Variants in CRMP1 observed in about 807,000 individuals in gnomAD.
CRMP1 encodes the protein collapsin response mediator protein 1.
CRMP1 carries 19 observed loss-of-function variants against 68.3 expected under a neutral mutation model. The observed-to-expected ratio is 0.28, with a 90% confidence interval of 0.19 to 0.41. The LOEUF (loss-of-function observed/expected upper bound fraction) is 0.41, where lower values mean the gene tolerates loss of function less well. Among genes scored for constraint, CRMP1 ranks in the 10% least tolerant of loss-of-function variants. The probability of loss-of-function intolerance (pLI) is 1.00; values close to 1 mark genes in which losing one functional copy is unlikely to be tolerated. For synonymous variants in CRMP1, 439 were observed against 399.6 expected (o/e 1.10, Z -1.18); for missense variants, 791 against 967.4 (o/e 0.82, Z 2.42).
chr4:5,873,690 C>T (rs1714618340), intron 1 of CRMP1, among the ~76,000 whole-genome samples: 7 of 152,196 alleles, frequency 4.6e-5, no homozygotes, highest in Admixed American at 4.6e-4. Context: ...ATACTGGGCA[C>T]TACAATTCAA....
intron 11 of CRMP1, among the ~76,000 whole-genome samples, chr4:5,830,269 A>G (rs939410644): frequency 2.4e-4 from 36 of 152,204 alleles, no homozygotes; most frequent in African/African-American, 8.4e-4. Flanking sequence ...TGTTGCAAAT[A>G]TGTCCTCCCT....
chr4:5,892,946 C>T lies in CRMP1; in HGVS notation c.24G>A (p.Trp8Ter). MADRRRAWNTEDDLPVYL... is the reference protein window; with the variant it reads MADRRRA ...ACACGGGCAGGTCGTCCTCGGTGTT[C>T]CACGCGCGCCGCCGGTCCGCCATAC... The change falls in exon 1 of 14, where the codon TGG becomes TGA. Residue 8 changes from tryptophan to a stop codon, truncating the protein, a stop_gained. Transcript: ENST00000324989. LOFTEE classifies it high-confidence loss of function. The surrounding 1 kb of genome is among the most constrained non-coding windows in gnomAD (Gnocchi z 8.6). The T allele has an allele frequency of 8.0e-7, 1 of 1,246,390 alleles. No individual in the cohort carries two copies. Among genetic ancestry groups the T allele is most frequent in the Non-Finnish European group, 1.0e-6 (1 of 993,432 alleles). The allele number at this position is 1,246,390 out of a possible 1,614,324, so 77.2% of individuals were successfully genotyped here.
rs1577845114 is a variant in CRMP1, at chr4:5,881,616, C to T, written c.381+10973G>A. 6.6e-6 allele frequency among the ~76,000 whole-genome samples: 1 copy of T among 152,134 alleles called. No homozygotes were observed. The highest frequency in any genetic ancestry group is 1.9e-4 in the East Asian group (1 of 5,180). ...GGCAAAGTCCTCCGGTGTTCCTCTT[C>T]CATGGCAAGAGCTGACTTTTACTTA... is the stretch of plus-strand genomic sequence containing the variant. On this transcript the variant is annotated intron_variant, in intron 1 of 13. Coordinates refer to ENST00000324989, the MANE Select transcript of CRMP1 (RefSeq NM_001014809.3). This position sits in a 1 kb window ranked among gnomAD's most constrained non-coding sequence, Gnocchi z 4.6.
At position 5,888,218 on chromosome 4, in the gene CRMP1, G is replaced by C. The variant is rs926763500; in HGVS notation, c.381+4371C>G. On this transcript the variant is annotated intron_variant, in intron 1 of 13. Transcript: ENST00000324989. This position sits in a 1 kb window ranked among gnomAD's most constrained non-coding sequence, Gnocchi z 6.4. ...GCCAGCGCGGGGCGGCGGGGGCGGG[G>C]GCCGCTTACCGTGATGTGCGGGATG... The C allele has an allele frequency of 6.3e-6, 8 of 1,266,454 alleles. No homozygotes were observed. In the African/African-American group the frequency reaches 1.2e-4, roughly 19 times the overall value. The allele number at this position is 1,266,454 out of a possible 1,614,324, so 78.5% of individuals were successfully genotyped here.
At chr4:5,856,624 TATCATC>T (rs1044126510) in intron 3 of CRMP1, among the ~76,000 whole-genome samples, 1 of 134,718 alleles carries the variant, frequency 7.4e-6, no homozygotes, top group African/African-American at 2.9e-5. Flanking sequence ...TGACCGCCAC[TATCATC>T]ATCATCATTA....
chr4:5,892,425 A>G lies in CRMP1; in HGVS notation c.381+164T>C, dbSNP rs1715993971. Among the ~76,000 whole-genome samples, 1 of 151,722 alleles carries G rather than the reference A, an allele frequency of 6.6e-6. No individual in the cohort carries two copies. Among genetic ancestry groups the G allele is most frequent in the Non-Finnish European group, 1.5e-5 (1 of 67,876 alleles). On this transcript the variant is annotated intron_variant, in intron 1 of 13. Coordinates refer to ENST00000324989, the MANE Select transcript of CRMP1 (RefSeq NM_001014809.3). This position sits in a 1 kb window ranked among gnomAD's most constrained non-coding sequence, Gnocchi z 8.6. ...CGACCGAGTCGCCCCAGCTCTGGGA[A>G]CCTCTTGCATGATGAGGTGGGGGAG...
intron 13 of CRMP1, among the ~76,000 whole-genome samples, chr4:5,823,743 G>A (rs1719069729): frequency 6.6e-6 from 1 of 152,250 alleles, no homozygotes; most frequent in African/African-American, 2.4e-5. Flanking sequence ...CTCACCAGAA[G>A]CAGACGCTGG....
rs138797120 is a variant in CRMP1, at chr4:5,842,465, GTA to G, written c.1032+626_1032+627del. On this transcript the variant is annotated intron_variant, in intron 7 of 13. Coordinates refer to ENST00000324989, the MANE Select transcript of CRMP1 (RefSeq NM_001014809.3). This position sits in a 1 kb window ranked among gnomAD's most constrained non-coding sequence, Gnocchi z 4.5. ...AAAAAAAAGAAAAGAAAGAAAGAAA[GTA>G]AAAAGAAGGTGTCCTCAACTCAAAG... Among the ~76,000 whole-genome samples, 669 of 149,350 alleles carry G rather than the reference GTA, an allele frequency of 4.5e-3. 4 individuals are homozygous for G. The highest frequency in any genetic ancestry group is 0.016 in the African/African-American group (647 of 40,738).
In CRMP1 at chr4:5,838,744, C is replaced by T. The variant is rs537797228; in HGVS notation, c.1310+778G>A. ...ATCATCAGGGGGATGGTGATTTCCA[C>T]GTGGGCGCACACCACTGCCCCCTCC... is the stretch of plus-strand genomic sequence containing the variant. On this transcript the variant is annotated intron_variant, in intron 9 of 13. Transcript: ENST00000324989. This position sits in a 1 kb window ranked among gnomAD's most constrained non-coding sequence, Gnocchi z 4.9. 5.4e-4 allele frequency among the ~76,000 whole-genome samples: 82 copies of T among 152,246 alleles called. 1 individual carries two copies. Among genetic ancestry groups the T allele is most frequent in the African/African-American group, 1.9e-3 (77 of 41,544 alleles).
chr4:5,828,456 CG>C, intron 12 of CRMP1, 32 bp downstream of exon 12: 1 of 1,602,484 alleles, frequency 6.2e-7, no homozygotes, highest in East Asian at 2.2e-5. Flanking sequence ...TCTGGTCCCA[CG>C]GGTGGGCCCG....
At position 5,825,772 on chromosome 4, in the gene CRMP1, G is replaced by T; in HGVS notation, c.1804-113C>A. 9.9e-7 allele frequency: 1 copy of T among 1,014,810 alleles called. No individual in the cohort carries two copies. Among genetic ancestry groups the T allele is most frequent in the Admixed American group, 2.8e-5 (1 of 35,750 alleles). The allele number at this position is 1,014,810 out of a possible 1,614,324, so 62.9% of individuals were successfully genotyped here. A position where few individuals can be genotyped will look rare whatever the true frequency, so the allele number is the denominator to read the frequency against. On this transcript the variant is annotated intron_variant, in intron 12 of 13. Transcript: ENST00000324989. The surrounding 1 kb of genome is among the most constrained non-coding windows in gnomAD (Gnocchi z 4.4). ...AGAAACCTGAGGTCACTTCAAATGT[G>T]CATGCACACACACACACAACACGCA...
chr4:5,821,770 C>CTGGTGATGT lies in CRMP1; in HGVS notation c.2042_2050dup (p.Asn681_Thr683dup). ...TCCGCGCATCCACGTTCAACCGAGG[C>CTGGTGATGT]TGGTGATGTTGGAGCGGCCACCAGG... is the stretch of plus-strand genomic sequence containing the variant. On this transcript the variant is annotated inframe_insertion, in exon 14 of 14. Coordinates refer to ENST00000324989, the MANE Select transcript of CRMP1 (RefSeq NM_001014809.3). This position sits in a 1 kb window ranked among gnomAD's most constrained non-coding sequence, Gnocchi z 4.4. 6.2e-7 allele frequency: 1 copy of CTGGTGATGT among 1,610,288 alleles called. No individual in the cohort carries two copies. The highest frequency in any genetic ancestry group is 8.5e-7 in the Non-Finnish European group (1 of 1,178,136).
chr4:5,866,217 T>A lies in CRMP1; in HGVS notation c.470+451A>T, dbSNP rs1251717650. On this transcript the variant is annotated intron_variant, in intron 2 of 13. Coordinates refer to ENST00000324989, the MANE Select transcript of CRMP1 (RefSeq NM_001014809.3). This position sits in a 1 kb window ranked among gnomAD's most constrained non-coding sequence, Gnocchi z 5.9. The stretch of plus-strand genomic sequence containing the variant: ...GCTGGGCTTGGAAGCCACACATTCC[T>A]CCTTCCTCTCTGCTCTCCTCAACCC... Among the ~76,000 whole-genome samples, 5 of 152,134 alleles carry A rather than the reference T, an allele frequency of 3.3e-5. No homozygotes were observed. The highest frequency in any genetic ancestry group is 1.2e-4 in the African/African-American group (5 of 41,428).
At position 5,888,208 on chromosome 4, in the gene CRMP1, C is replaced by A; in HGVS notation, c.381+4381G>T. 1 of 1,258,510 alleles carries A rather than the reference C, an allele frequency of 7.9e-7. No individual in the cohort carries two copies. The highest frequency in any genetic ancestry group is 3.1e-5 in the East Asian group (1 of 32,076). 78.0% of individuals were successfully genotyped at this position (1,258,510 alleles called of 1,614,324 possible). ...GCCCACAAAGGCCAGCGCGGGGCGG[C>A]GGGGGCGGGGGCCGCTTACCGTGAT... On this transcript the variant is annotated intron_variant, in intron 1 of 13. Transcript: ENST00000324989. The surrounding 1 kb of genome is among the most constrained non-coding windows in gnomAD (Gnocchi z 6.4).
In CRMP1 at chr4:5,883,471, T is replaced by A. The variant is rs1372407339; in HGVS notation, c.381+9118A>T. ...GCCCGCCACCATGCCTGGCTAATTT[T>A]TGTATTTTTAGTAGAGACAGGGTTT... On this transcript the variant is annotated intron_variant, in intron 1 of 13. Coordinates refer to ENST00000324989, the MANE Select transcript of CRMP1 (RefSeq NM_001014809.3). This position sits in a 1 kb window ranked among gnomAD's most constrained non-coding sequence, Gnocchi z 4.5. 2.0e-5 allele frequency among the ~76,000 whole-genome samples: 3 copies of A among 152,090 alleles called. No homozygotes were observed. Among genetic ancestry groups the A allele is most frequent in the Non-Finnish European group, 4.4e-5 (3 of 68,020 alleles).
At position 5,855,292 on chromosome 4, in the gene CRMP1, A is replaced by T. The variant is rs1712962979; in HGVS notation, c.820+851T>A. On this transcript the variant is annotated intron_variant, in intron 4 of 13. Transcript: ENST00000324989. The surrounding 1 kb of genome is among the most constrained non-coding windows in gnomAD (Gnocchi z 4.9). ...TGGGGATGATACTGTTATTACGAGAAAACATAGCACAGCTATTTTAAAAAT... is the reference window on the plus strand; with the variant it reads ...TGGGGATGATACTGTTATTACGAGATAACATAGCACAGCTATTTTAAAAAT... Among the ~76,000 whole-genome samples, 1 of 152,194 alleles carries T rather than the reference A, an allele frequency of 6.6e-6. No individual in the cohort carries two copies. Among genetic ancestry groups the T allele is most frequent in the African/African-American group, 2.4e-5 (1 of 41,442 alleles).
rs1055930148 is a variant in CRMP1 at position 5,854,982 on chromosome 4, A to C, written c.820+1161T>G. 6.6e-5 allele frequency among the ~76,000 whole-genome samples: 10 copies of C among 152,250 alleles called. No homozygotes were observed. Among genetic ancestry groups the C allele is most frequent in the African/African-American group, 2.4e-5 (1 of 41,468 alleles). The stretch of plus-strand genomic sequence containing the variant: ...ATTTATAATAAAACGAATAGAAAGC[A>C]TAAATGCCCAATAAAAAGAAAATAG... On this transcript the variant is annotated intron_variant, in intron 4 of 13. Coordinates refer to ENST00000324989, the MANE Select transcript of CRMP1 (RefSeq NM_001014809.3). This position sits in a 1 kb window ranked among gnomAD's most constrained non-coding sequence, Gnocchi z 4.0.
Position 5,891,728 on chromosome 4 carries a change from G to A in CRMP1, c.381+861C>T, listed in dbSNP as rs984740694. ...TGGCACCTGACCCTGGCTCTCGTCG[G>A]TCCATCCAAAGGCTACGCCGTCCAT... On this transcript the variant is annotated intron_variant, in intron 1 of 13. Coordinates refer to ENST00000324989, the MANE Select transcript of CRMP1 (RefSeq NM_001014809.3). This position sits in a 1 kb window ranked among gnomAD's most constrained non-coding sequence, Gnocchi z 5.2. Among the ~76,000 whole-genome samples the A allele has an allele frequency of 6.6e-6, 1 of 152,198 alleles. No individual in the cohort carries two copies. The highest frequency in any genetic ancestry group is 1.5e-5 in the Non-Finnish European group (1 of 68,038).
intron 3 of CRMP1, among the ~76,000 whole-genome samples, chr4:5,857,190 CCACCACCATCATCACCACCCCATCACCAG>C (rs1331174878): frequency 1.3e-5 from 2 of 151,402 alleles, no homozygotes; most frequent in East Asian, 3.9e-4. Flanking sequence ...CATTGTCACT[CCACCACCATCATCACCACCCCATCACCAG>C]CACCACCATC....
Sources: gnomAD v4.1 joint callset for allele counts (sites outside exome capture counted in the v4.1 genomes callset) on GRCh38, gnomAD v4.1.1 for gene constraint, Gnocchi (gnomAD v3.1) non-coding constraint, MANE v1.5 for transcripts, NCBI Gene and HGNC (gene_info 2026-07-23, HGNC 2026-07-21) for gene names.